Variants in PTPN5 observed in about 807,000 individuals in gnomAD.
The protein encoded by PTPN5 is tyrosine-protein phosphatase non-receptor type 5.
Under a neutral mutation model 73.9 loss-of-function variants are expected in PTPN5, and 29 were observed. The observed-to-expected ratio is 0.39, with a 90% CI of 0.29 to 0.54. PTPN5 has a LOEUF of 0.54. Among genes scored for constraint, PTPN5 ranks in the 20% least tolerant of loss-of-function variants. PTPN5 has a pLI of 0.65. For missense variants in PTPN5, 652 were observed against 751.4 expected (o/e 0.87, Z 1.55); for synonymous variants, 267 against 304.7 (o/e 0.88, Z 1.29).
intron 3 of PTPN5, among the ~76,000 whole-genome samples, chr11:18,744,734 G>A (rs1481358633): frequency 6.6e-6 from 1 of 152,124 alleles, no homozygotes; most frequent in African/African-American, 2.4e-5. Flanking sequence ...AGAGGGGCTG[G>A]GGGCAGTTAG....
chr11:18,758,605 A>G (rs1455421199), intron 3 of PTPN5, among the ~76,000 whole-genome samples: 1 of 152,188 alleles, frequency 6.6e-6, no homozygotes, highest in Non-Finnish European at 1.5e-5. Context: ...TGAGATCGTC[A>G]GGCAGCAACA....
intron 1 of PTPN5, among the ~76,000 whole-genome samples, chr11:18,781,041 T>A (rs1851395704): frequency 6.6e-6 from 1 of 152,220 alleles, no homozygotes; most frequent in African/African-American, 2.4e-5. Context: ...TCTCACACTC[T>A]GATTATGCAA....
intron 1 of PTPN5, among the ~76,000 whole-genome samples, chr11:18,783,290 G>A (rs1851524750): frequency 6.6e-6 from 1 of 152,238 alleles, no homozygotes; most frequent in South Asian, 2.1e-4. Context: ...GAGTCTCAGT[G>A]AAGGGGTCTC....
At chr11:18,781,069 G>C (rs1015829000) in intron 1 of PTPN5, among the ~76,000 whole-genome samples, 1 of 152,140 alleles carries the variant, frequency 6.6e-6, no homozygotes, top group African/African-American at 2.4e-5. Flanking sequence ...GCTTGACACA[G>C]AGACCTCTTT....
rs544655011 is a variant in PTPN5, at chr11:18,742,694, C to A, written c.484-191G>T. Among the ~76,000 whole-genome samples, 3 of 152,120 alleles carry A rather than the reference C, an allele frequency of 2.0e-5. No individual in the cohort carries two copies. The highest frequency in any genetic ancestry group is 2.9e-5 in the Non-Finnish European group (2 of 68,018). ...CTCCATGCCCACTCTCCTTCCCTGC[C>A]CCTCCCTCTCCCAGCTCTCTGTTTC... On this transcript the variant is annotated intron_variant, in intron 6 of 14. Transcript: ENST00000358540. This position sits in a 1 kb window ranked among gnomAD's most constrained non-coding sequence, Gnocchi z 4.1.
chr11:18,771,790 G>A (rs1850912100), intron 2 of PTPN5, 149 bp downstream of exon 2: 2 of 683,964 alleles, frequency 2.9e-6, no homozygotes, highest in South Asian at 1.8e-5. Context: ...CAGCAGGCAG[G>A]GGCAGAGGGC....
chr11:18,744,767 G>A (rs956039775), intron 3 of PTPN5, among the ~76,000 whole-genome samples: 1 of 152,200 alleles, frequency 6.6e-6, no homozygotes, highest in Admixed American at 6.5e-5. Context: ...GAAAATCTTG[G>A]TGTAGCAGAA....
chr11:18,791,548 C>CGGCGAGCA lies in PTPN5; in HGVS notation c.-145_-138dup, dbSNP rs1423891693. 6.5e-6 allele frequency: 1 copy of CGGCGAGCA among 153,390 alleles called. No individual in the cohort carries two copies. The highest frequency in any genetic ancestry group is 1.9e-4 in the East Asian group (1 of 5,208). The allele number at this position is 153,390 out of a possible 1,614,324, so 9.5% of individuals were successfully genotyped here. A position where few individuals can be genotyped will look rare whatever the true frequency, so the allele number is the denominator to read the frequency against. On this transcript the variant is annotated 5_prime_UTR_variant, in exon 1 of 15. Transcript: ENST00000358540. Reference sequence around the variant, plus strand: ...ACCGGCCAGAGCGGGCTCCGGGCGCCGGCGAGCAGGCGGGCAGGCTGGCGG... The same window carrying CGGCGAGCA: ...ACCGGCCAGAGCGGGCTCCGGGCGCCGGCGAGCAGGCGAGCAGGCGGGCAGGCTGGCGG...
At chr11:18,737,840 C>G (rs1446004754) in intron 9 of PTPN5, 40 bp downstream of exon 9, 2 of 1,565,964 alleles carry the variant, frequency 1.3e-6, no homozygotes, top group Admixed American at 3.3e-5. Flanking sequence ...CCAGGTGAAG[C>G]TGAGCCTGCC....
chr11:18,732,537 C>T, intron 12 of PTPN5, 55 bp downstream of exon 12: 1 of 1,334,498 alleles, frequency 7.5e-7, no homozygotes, highest in African/African-American at 1.4e-5. Flanking sequence ...GTGGAGCCCC[C>T]AGTTAAGCCC....
Position 18,733,709 on chromosome 11 carries a change from C to A in PTPN5, c.1001-74G>T. 7.9e-7 allele frequency: 1 copy of A among 1,273,680 alleles called. No homozygotes were observed. The highest frequency in any genetic ancestry group is 1.2e-5 in the South Asian group (1 of 83,344). The allele number at this position is 1,273,680 out of a possible 1,614,324, so 78.9% of individuals were successfully genotyped here. ...AGGACCCACTTGCTCTGGCCTATTC[C>A]AGCATACCCACACTTCTTCTGCGAC... is the stretch of plus-strand genomic sequence containing the variant. On this transcript the variant is annotated intron_variant, in intron 9 of 14. Transcript: ENST00000358540. This position sits in a 1 kb window ranked among gnomAD's most constrained non-coding sequence, Gnocchi z 4.3.
chr11:18,743,446 C>T lies in PTPN5; in HGVS notation c.292-17G>A. On this transcript the variant is annotated splice_polypyrimidine_tract_variant and intron_variant, in intron 4 of 14. Transcript: ENST00000358540. ...ACAGGCAAGCTGGGGCACAGGGGAG[C>T]AGGCTGAGTATGGAGCCGGCCCCCT... 4.3e-6 allele frequency: 7 copies of T among 1,610,524 alleles called. No homozygotes were observed. Among genetic ancestry groups the T allele is most frequent in the Non-Finnish European group, 5.1e-6 (6 of 1,176,674 alleles).
intron 3 of PTPN5, among the ~76,000 whole-genome samples, chr11:18,745,519 T>C: frequency 6.6e-6 from 1 of 152,070 alleles, no homozygotes; most frequent in South Asian, 2.1e-4. Flanking sequence ...GCCTGGAACA[T>C]CCCTCCAACA....
intron 3 of PTPN5, among the ~76,000 whole-genome samples, chr11:18,750,086 A>G (rs1461027446): frequency 6.6e-6 from 1 of 152,212 alleles, no homozygotes; most frequent in African/African-American, 2.4e-5. Flanking sequence ...CAGATGGAGA[A>G]ACAGGCCCAG....
chr11:18,759,087 A>G (rs1328801980), intron 3 of PTPN5, among the ~76,000 whole-genome samples: 2 of 152,116 alleles, frequency 1.3e-5, no homozygotes, highest in Non-Finnish European at 2.9e-5. Flanking sequence ...CACCAGATAC[A>G]CTACCCCACT....
At position 18,729,158 on chromosome 11, in the gene PTPN5, C is replaced by T. The variant is rs1305650766; in HGVS notation, c.1605-131G>A. The T allele has an allele frequency of 7.6e-5, 61 of 807,464 alleles. No individual in the cohort carries two copies. The highest frequency in any genetic ancestry group is 8.2e-5 in the Non-Finnish European group (41 of 502,648). 50.0% of individuals were successfully genotyped at this position (807,464 alleles called of 1,614,324 possible). ...TGCGTCTTGGAGAGACCAACCCTTG[C>T]CAACCATTACCCTCTGCCCCTTCCT... On this transcript the variant is annotated intron_variant, in intron 14 of 14. Transcript: ENST00000358540. The surrounding 1 kb of genome is among the most constrained non-coding windows in gnomAD (Gnocchi z 5.2).
chr11:18,774,413 C>T (rs995540836), intron 1 of PTPN5, among the ~76,000 whole-genome samples: 3 of 152,200 alleles, frequency 2.0e-5, no homozygotes, highest in Admixed American at 2.0e-4. Context: ...ATGTGCCCTC[C>T]CTCGCTGACA....
At chr11:18,764,202 T>C (rs1202315159) in intron 3 of PTPN5, among the ~76,000 whole-genome samples, 1 of 152,234 alleles carries the variant, frequency 6.6e-6, no homozygotes, top group East Asian at 1.9e-4. Context: ...TCTGGAATTA[T>C]TGAGTTCTAT....
chr11:18,733,138 G>A lies in PTPN5; in HGVS notation c.1218+97C>T, dbSNP rs1202363536. The A allele has an allele frequency of 7.9e-6, 12 of 1,521,076 alleles. No individual in the cohort carries two copies. The highest frequency in any genetic ancestry group is 8.9e-6 in the Non-Finnish European group (10 of 1,124,536). 94.2% of individuals were successfully genotyped at this position (1,521,076 alleles called of 1,614,324 possible). ...TCTTGGCAGCGGAGTGAACACCGCC[G>A]ACCTCTTGAGATTGTCATAAAGATT... On this transcript the variant is annotated intron_variant, in intron 11 of 14. Coordinates refer to ENST00000358540, the MANE Select transcript of PTPN5 (RefSeq NM_006906.2). The surrounding 1 kb of genome is among the most constrained non-coding windows in gnomAD (Gnocchi z 4.3).
Sources: gnomAD v4.1 joint callset for allele counts (sites outside exome capture counted in the v4.1 genomes callset) on GRCh38, gnomAD v4.1.1 for gene constraint, Gnocchi (gnomAD v3.1) non-coding constraint, MANE v1.5 for transcripts, NCBI Gene and HGNC (gene_info 2026-07-23, HGNC 2026-07-21) for gene names.